ANKRD26: variants seen among roughly 807,000 people sequenced by gnomAD.
The protein encoded by ANKRD26 is ankyrin repeat domain-containing protein 26.
A neutral mutation model predicts 208.7 loss-of-function variants in ANKRD26; 141 were observed. The ratio of observed to expected loss-of-function variants is 0.68; its 90% confidence interval spans 0.59 to 0.78. The LOEUF is 0.78. Ranked by LOEUF, ANKRD26 falls within the 30% of genes least tolerant of loss-of-function variation. The probability of loss-of-function intolerance (pLI) is 0.00; values close to 1 mark genes in which losing one functional copy is unlikely to be tolerated. For missense variants in ANKRD26, 1,889 were observed against 1,938.7 expected, an observed-to-expected ratio of 0.97 and a Z score of 0.48; for synonymous variants, 636 against 660.4, an observed-to-expected ratio of 0.96 and a Z score of 0.57.
Position 27,082,838 on chromosome 10 carries a change from T to C in ANKRD26, c.710-5A>G. 6.3e-7 allele frequency: 1 copy of C among 1,588,306 alleles called. No individual in the cohort carries two copies. The highest frequency in any genetic ancestry group is 8.6e-7 in the Non-Finnish European group (1 of 1,166,198). On this transcript the variant is annotated splice_region_variant and splice_polypyrimidine_tract_variant and intron_variant, in intron 5 of 33. Coordinates refer to ENST00000376087, the MANE Select transcript of ANKRD26 (RefSeq NM_014915.3). ...AGTCTTCAGAGCTTTCATCCACTATTAAAGAGAAAAGTAAAACACACTTTA... is the reference window on the plus strand; with the variant it reads ...AGTCTTCAGAGCTTTCATCCACTATCAAAGAGAAAAGTAAAACACACTTTA...
At chr10:26,997,458 G>A (rs951766749) in intron 4 of ANKRD26, among the ~76,000 whole-genome samples, 1 of 152,172 alleles carries the variant, frequency 6.6e-6, no homozygotes, top group African/African-American at 2.4e-5. Context: ...TTCCTGAGTT[G>A]TATCCTCCTG....
At chr10:27,092,571 G>A (rs2056334981) in intron 3 of ANKRD26, 59 bp from the exon 4 acceptor site, 1 of 1,258,226 alleles carries the variant, frequency 7.9e-7, no homozygotes, top group East Asian at 2.3e-5. Flanking sequence ...CGGCTGAACT[G>A]AAAACTCTAT....
intron 15 of ANKRD26, among the ~76,000 whole-genome samples, chr10:27,055,628 T>C (rs561725354): frequency 6.6e-6 from 1 of 152,268 alleles, no homozygotes; most frequent in East Asian, 1.9e-4. Flanking sequence ...AAATTGAATT[T>C]CATATATCTT....
At chr10:27,033,583 AATT>A (rs944661839) in intron 24 of ANKRD26, among the ~76,000 whole-genome samples, 2 of 152,154 alleles carry the variant, frequency 1.3e-5, no homozygotes, top group African/African-American at 4.8e-5. Flanking sequence ...TCTTCCTGCC[AATT>A]AGGTATGACG....
downstream of ANKRD26, among the ~76,000 whole-genome samples, chr10:26,969,103 A>G (rs1443923372): frequency 6.6e-6 from 1 of 152,104 alleles, no homozygotes; most frequent in Non-Finnish European, 1.5e-5. Flanking sequence ...GAGTCAATAT[A>G]TTTTCCTAAT....
chr10:26,975,881 A>T (rs1485869119), exon 6 of ANKRD26, among the ~76,000 whole-genome samples: 1 of 151,592 alleles, frequency 6.6e-6, no homozygotes, highest in African/African-American at 2.4e-5. Context: ...AATAAATAAT[A>T]AATAAATGAC....
At position 27,061,884 on chromosome 10, in the gene ANKRD26, G is replaced by A. The variant is rs552474213; in HGVS notation, c.1364-642C>T. Reference sequence around the variant, plus strand: ...GTCCAAAGCAACATATATCTTTGATGTCTGATAGTTATAGAAAGGAGATAT... The same window carrying A: ...GTCCAAAGCAACATATATCTTTGATATCTGATAGTTATAGAAAGGAGATAT... On this transcript the variant is annotated intron_variant, in intron 12 of 33. Coordinates refer to ENST00000376087, the MANE Select transcript of ANKRD26 (RefSeq NM_014915.3). The A allele has an allele frequency of 3.2e-5, 30 of 942,200 alleles. No homozygotes were observed. In the African/African-American group the frequency reaches 4.8e-4, roughly 15 times the overall value. 58.4% of individuals were successfully genotyped at this position (942,200 alleles called of 1,614,324 possible). A position where few individuals can be genotyped will look rare whatever the true frequency, so the allele number is the denominator to read the frequency against.
At chr10:26,983,809 GGCTAATGAT>G (rs1223318822) in intron 3 of ANKRD26, among the ~76,000 whole-genome samples, 1 of 152,080 alleles carries the variant, frequency 6.6e-6, no homozygotes, top group Non-Finnish European at 1.5e-5. Flanking sequence ...CTTTTCAATG[GGCTAATGAT>G]ACGTATTGTC....
the ANKRD26 span, among the ~76,000 whole-genome samples, chr10:26,958,943 C>A: frequency 6.6e-6 from 1 of 152,146 alleles, no homozygotes; most frequent in African/African-American, 2.4e-5. Flanking sequence ...AAAAGTGTTC[C>A]TTTTTCTCCA....
At chr10:27,084,590 A>G (rs1589363783) in intron 5 of ANKRD26, among the ~76,000 whole-genome samples, 1 of 152,092 alleles carries the variant, frequency 6.6e-6, no homozygotes, top group Admixed American at 6.6e-5. Context: ...ATTTCTGGCC[A>G]GGTGCGGTGT....
At chr10:27,068,860 TAAA>T (rs79173744) in intron 9 of ANKRD26, among the ~76,000 whole-genome samples, 2 of 125,592 alleles carry the variant, frequency 1.6e-5, no homozygotes, top group Non-Finnish European at 1.7e-5. Context: ...TTGGGCATCC[TAAA>T]AAAAAAAAAA....
chr10:26,975,835 C>A (rs1441364409), exon 6 of ANKRD26, among the ~76,000 whole-genome samples: 2 of 151,464 alleles, frequency 1.3e-5, no homozygotes, highest in African/African-American at 4.9e-5. Context: ...GAGTGAGTAT[C>A]CACCTTAAAA....
At chr10:27,029,065 G>T (rs2053775652) in intron 26 of ANKRD26, 120 bp from the exon 27 acceptor site, 7 of 1,034,316 alleles carry the variant, frequency 6.8e-6, no homozygotes, top group Non-Finnish European at 9.9e-6. Flanking sequence ...AAAAGTAGGT[G>T]ATTTGGCAAC....
At chr10:26,980,694 C>G (rs545161072) in exon 5 of ANKRD26, among the ~76,000 whole-genome samples, 3 of 152,078 alleles carry the variant, frequency 2.0e-5, no homozygotes, top group Non-Finnish European at 4.4e-5. Context: ...CATCAGGAGA[C>G]GGAGTTGTAG....
chr10:27,005,025 G>T lies in ANKRD26; in HGVS notation c.*565C>A, dbSNP rs377209214. 1 of 983,990 alleles carries T rather than the reference G, an allele frequency of 1.0e-6. No individual in the cohort carries two copies. Among genetic ancestry groups the T allele is most frequent in the Admixed American group, 6.1e-5 (1 of 16,262 alleles). The allele number at this position is 983,990 out of a possible 1,614,324, so 61.0% of individuals were successfully genotyped here. A position where few individuals can be genotyped will look rare whatever the true frequency, so the allele number is the denominator to read the frequency against. ...GAGAAAGTCTTTGTACTAAAACTTC[G>T]AAATTTTCTCTAAACTGAAGGCTAT... On this transcript the variant is annotated 3_prime_UTR_variant, in exon 34 of 34. Transcript: ENST00000376087.
downstream of ANKRD26, among the ~76,000 whole-genome samples, chr10:26,987,360 A>G (rs187368787): frequency 5.6e-4 from 86 of 152,308 alleles, no homozygotes; most frequent in African/African-American, 1.9e-3. Flanking sequence ...CAGCACACCA[A>G]CATGGCACAT....
At chr10:27,031,266 C>T (rs986990110) in intron 25 of ANKRD26, among the ~76,000 whole-genome samples, 2 of 152,142 alleles carry the variant, frequency 1.3e-5, no homozygotes, top group Admixed American at 6.6e-5. Flanking sequence ...GCATTATTTA[C>T]AGTAGCCAAA....
chr10:26,971,115 G>A (rs1451944816), downstream of ANKRD26, among the ~76,000 whole-genome samples: 1 of 152,380 alleles, frequency 6.6e-6, no homozygotes, highest in South Asian at 2.1e-4. Flanking sequence ...GCTGGGTGCA[G>A]TGGCTCACAC....
rs191758189 is a variant in ANKRD26 at position 27,097,242 on chromosome 10, G to A, written c.242+2843C>T. Among the ~76,000 whole-genome samples, 1,253 of 151,782 alleles carry A rather than the reference G, an allele frequency of 8.3e-3. 11 individuals are homozygous for A. Among genetic ancestry groups the A allele is most frequent in the Middle Eastern group, 0.027 (8 of 292 alleles). On this transcript the variant is annotated intron_variant, in intron 1 of 33. Coordinates refer to ENST00000376087, the MANE Select transcript of ANKRD26 (RefSeq NM_014915.3). ...TGTAATCTCAGCACTTTGGGAGGCC[G>A]AGGTGGGCAGATCACAAGGTCAGGA... is the stretch of plus-strand genomic sequence containing the variant.
Sources: gnomAD v4.1 joint callset for allele counts (sites outside exome capture counted in the v4.1 genomes callset) on GRCh38, gnomAD v4.1.1 for gene constraint, MANE v1.5 for transcripts, NCBI Gene and HGNC (gene_info 2026-07-23, HGNC 2026-07-21) for gene names.